The following DIAPH3 variants were observed in gnomAD, a reference collection of about 807,000 sequenced individuals.
DIAPH3 encodes the protein protein diaphanous homolog 3.
DIAPH3 carries 117 observed loss-of-function variants against 144.3 expected under a neutral mutation model. That is an observed-to-expected ratio of 0.81 (90% confidence interval 0.70 to 0.95). The LOEUF is 0.95. Among genes scored for constraint, DIAPH3 ranks in the 40% least tolerant of loss-of-function variants. DIAPH3 has a pLI of 0.00. For synonymous variants in DIAPH3, 519 were observed against 488.9 expected (o/e 1.06, Z -0.81); for missense variants, 1,421 against 1,412.7 (o/e 1.01, Z -0.09).
chr13:59,852,515 G>A (rs2043034787), intron 22 of DIAPH3, among the ~76,000 whole-genome samples: 1 of 152,168 alleles, frequency 6.6e-6, no homozygotes, highest in South Asian at 2.1e-4. Context: ...GAAATCTTAT[G>A]TCAAAGTTCA....
intron 20 of DIAPH3, among the ~76,000 whole-genome samples, chr13:59,889,082 GA>G (rs2045629803): frequency 6.6e-6 from 1 of 151,858 alleles, no homozygotes; most frequent in South Asian, 2.1e-4. Context: ...GCTGTGCCAT[GA>G]TATCTTTTTC....
intron 27 of DIAPH3, among the ~76,000 whole-genome samples, chr13:59,678,275 T>TA (rs1275350248): frequency 6.6e-6 from 1 of 152,166 alleles, no homozygotes; most frequent in African/African-American, 2.4e-5. Context: ...TATGAAATCT[T>TA]AAACTATTTC....
intron 9 of DIAPH3, among the ~76,000 whole-genome samples, chr13:60,007,613 C>A (rs2052964116): frequency 6.6e-6 from 1 of 152,076 alleles, no homozygotes. Context: ...CCAGGTCACA[C>A]CATGCCAATT....
intron 17 of DIAPH3, among the ~76,000 whole-genome samples, chr13:59,950,694 T>G (rs1248640130): frequency 6.6e-6 from 1 of 152,142 alleles, no homozygotes; most frequent in East Asian, 1.9e-4. Flanking sequence ...CATGATACTT[T>G]TCTAATTATC....
chr13:59,761,690 C>T (rs2037597652), intron 27 of DIAPH3, among the ~76,000 whole-genome samples: 1 of 152,150 alleles, frequency 6.6e-6, no homozygotes, highest in African/African-American at 2.4e-5. Context: ...GGAGTGTACA[C>T]TGAAGAGCAT....
intron 15 of DIAPH3, among the ~76,000 whole-genome samples, chr13:59,974,110 CAT>C (rs1222073280): frequency 3.9e-5 from 6 of 152,088 alleles, no homozygotes; most frequent in African/African-American, 1.2e-4. Context: ...ACTTAGGAAA[CAT>C]GTGACATTAG....
At chr13:59,731,418 A>G (rs1225398270) in intron 27 of DIAPH3, among the ~76,000 whole-genome samples, 37 of 152,212 alleles carry the variant, frequency 2.4e-4, no homozygotes, top group Admixed American at 2.4e-3. Context: ...AATGTTCTAT[A>G]AAGTTCACAG....
chr13:60,132,330 T>C (rs902968521), intron 2 of DIAPH3, among the ~76,000 whole-genome samples: 42 of 152,310 alleles, frequency 2.8e-4, no homozygotes, highest in African/African-American at 9.1e-4. Context: ...TTTTCCTCTA[T>C]AACACACTTA....
chr13:60,057,101 G>A (rs1309084629), intron 4 of DIAPH3, among the ~76,000 whole-genome samples: 1 of 151,822 alleles, frequency 6.6e-6, no homozygotes, highest in Non-Finnish European at 1.5e-5. Flanking sequence ...TTAAGAGGAA[G>A]TCAAACTATC....
At chr13:59,934,160 A>C (rs966451040) in intron 17 of DIAPH3, among the ~76,000 whole-genome samples, 1 of 152,168 alleles carries the variant, frequency 6.6e-6, no homozygotes, top group African/African-American at 2.4e-5. Flanking sequence ...TCTATAACTG[A>C]GTATTTTAAA....
chr13:59,963,803 C>T (rs111287802), intron 17 of DIAPH3, among the ~76,000 whole-genome samples: 1 of 152,226 alleles, frequency 6.6e-6, no homozygotes, highest in Non-Finnish European at 1.5e-5. Flanking sequence ...AGCAATCCTC[C>T]TGTCTTGGCC....
intron 4 of DIAPH3, among the ~76,000 whole-genome samples, chr13:60,051,621 A>G (rs2056348245): frequency 6.6e-6 from 1 of 152,116 alleles, no homozygotes; most frequent in Non-Finnish European, 1.5e-5. Context: ...CGTCTCAAAA[A>G]AAAACAAGAA....
intron 8 of DIAPH3, among the ~76,000 whole-genome samples, chr13:60,009,996 A>G (rs1264411210): frequency 6.6e-6 from 1 of 152,186 alleles, no homozygotes; most frequent in African/African-American, 2.4e-5. Flanking sequence ...GTATTTAATT[A>G]TACTCCTAAC....
intron 2 of DIAPH3, among the ~76,000 whole-genome samples, chr13:60,118,190 A>G (rs2058746185): frequency 6.6e-6 from 1 of 152,170 alleles, no homozygotes; most frequent in South Asian, 2.1e-4. Context: ...ACTAATAATC[A>G]GTAATGACAG....
chr13:59,830,066 A>G (rs2139701318), intron 24 of DIAPH3, among the ~76,000 whole-genome samples: 1 of 152,074 alleles, frequency 6.6e-6, no homozygotes, highest in East Asian at 1.9e-4. Context: ...TTCAACAAAT[A>G]AAACTCTACA....
intron 4 of DIAPH3, among the ~76,000 whole-genome samples, chr13:60,066,123 C>T (rs1354970670): frequency 6.6e-6 from 1 of 151,966 alleles, no homozygotes; most frequent in Non-Finnish European, 1.5e-5. Context: ...AGCAATAAGC[C>T]ATTCATTAAA....
intron 24 of DIAPH3, among the ~76,000 whole-genome samples, chr13:59,821,168 C>A (rs2041051473): frequency 6.6e-6 from 1 of 151,884 alleles, no homozygotes; most frequent in Non-Finnish European, 1.5e-5. Context: ...GTCTCAAGTC[C>A]CTAAAATGAG....
chr13:59,977,635 C>T (rs953639049), intron 14 of DIAPH3, among the ~76,000 whole-genome samples: 2 of 151,620 alleles, frequency 1.3e-5, no homozygotes, highest in East Asian at 3.9e-4. Flanking sequence ...GAACTGAAGG[C>T]CTTCCTGAAT....
intron 4 of DIAPH3, among the ~76,000 whole-genome samples, chr13:60,075,821 G>C (rs2057358564): frequency 6.6e-6 from 1 of 152,182 alleles, no homozygotes; most frequent in African/African-American, 2.4e-5. Context: ...CTATAATCAA[G>C]CATCACTGTT....
Sources: allele counts gnomAD v4.1 joint callset (sites outside exome capture counted in the v4.1 genomes callset), GRCh38; gene constraint gnomAD v4.1.1; transcripts MANE v1.5; gene names NCBI Gene and HGNC (gene_info 2026-07-23, HGNC 2026-07-21).